SAMD8: variants seen among roughly 807,000 people sequenced by gnomAD.
SAMD8 encodes sphingomyelin synthase-related protein 1.
Under a neutral mutation model 42.0 loss-of-function variants are expected in SAMD8, and 20 were observed. The observed-to-expected ratio is 0.48, with a 90% CI of 0.34 to 0.69. SAMD8 has a LOEUF of 0.69. Ranked by LOEUF, SAMD8 falls within the 30% of genes least tolerant of loss-of-function variation. The pLI, the probability that SAMD8 is intolerant of heterozygous loss-of-function variation, is 0.01. For synonymous variants in SAMD8, 162 were observed against 173.0 expected (o/e 0.94, Z 0.50); for missense variants, 328 against 511.6 (o/e 0.64, Z 3.46).
At chr10:75,158,335 T>C (rs1019510076) in intron 2 of SAMD8, among the ~76,000 whole-genome samples, 4 of 152,044 alleles carry the variant, frequency 2.6e-5, no homozygotes, top group African/African-American at 4.8e-5. Context: ...CTCATGCCCG[T>C]AATCCCAGCA....
At chr10:75,143,128 G>A (rs1346092119) in intron 1 of SAMD8, among the ~76,000 whole-genome samples, 1 of 152,194 alleles carries the variant, frequency 6.6e-6, no homozygotes, top group Non-Finnish European at 1.5e-5. Flanking sequence ...CCAACATGGT[G>A]AAATCTCGTC....
chr10:75,124,549 A>G (rs1251626408), intron 1 of SAMD8, among the ~76,000 whole-genome samples: 2 of 147,284 alleles, frequency 1.4e-5, no homozygotes, highest in Non-Finnish European at 3.0e-5. Context: ...GGAGGCGGAG[A>G]TTGCAGTGAG....
chr10:75,168,446 T>A (rs1840744939), intron 3 of SAMD8, 95 bp from the exon 4 acceptor site: 3 of 1,543,138 alleles, frequency 1.9e-6, no homozygotes. Context: ...TAGTGATTTT[T>A]CTGTTTGCTC....
Position 75,123,192 on chromosome 10 carries a change from C to T in SAMD8, c.-16+11470C>T, listed in dbSNP as rs1308370389. Among the ~76,000 whole-genome samples the T allele has an allele frequency of 3.2e-4, 48 of 148,258 alleles. 1 individual carries two copies. The highest frequency in any genetic ancestry group is 1.1e-3 in the African/African-American group (46 of 40,098). ...CCACCCCACCCCACCCCACCCCACC[C>T]CACCCCACCCCACCCCACCCTGTGC... On this transcript the variant is annotated intron_variant, in intron 1 of 5. Transcript: ENST00000542569.
At chr10:75,130,402 AG>A (rs1348144125) in intron 1 of SAMD8, among the ~76,000 whole-genome samples, 2 of 152,148 alleles carry the variant, frequency 1.3e-5, no homozygotes, top group Non-Finnish European at 2.9e-5. Context: ...GCTACTCGGG[AG>A]GCTGAGGCAG....
chr10:75,179,295 T>C lies in SAMD8; in HGVS notation c.*2603T>C, dbSNP rs972141851. ...CAAGGAGGTTGAGGCTACAGTGAGC[T>C]GTAATCATGCCACTGCACTCCAGCC... is the stretch of plus-strand genomic sequence containing the variant. On this transcript the variant is annotated 3_prime_UTR_variant, in exon 6 of 6. Transcript: ENST00000542569. 2.0e-5 allele frequency: 3 copies of C among 152,226 alleles called. No homozygotes were observed. Among genetic ancestry groups the C allele is most frequent in the African/African-American group, 7.2e-5 (3 of 41,424 alleles). 9.4% of individuals were successfully genotyped at this position (152,226 alleles called of 1,614,324 possible).
chr10:75,118,824 A>C (rs894496830), intron 1 of SAMD8, among the ~76,000 whole-genome samples: 1 of 152,210 alleles, frequency 6.6e-6, no homozygotes, highest in African/African-American at 2.4e-5. Flanking sequence ...ATATATGCCC[A>C]AATTAAACCT....
chr10:75,112,956 T>G (rs117586771), intron 1 of SAMD8, among the ~76,000 whole-genome samples: 2 of 152,224 alleles, frequency 1.3e-5, no homozygotes, highest in African/African-American at 2.4e-5. Context: ...CTCTCACTGA[T>G]AACCCCAGGA....
chr10:75,168,401 A>T (rs1840743795), intron 3 of SAMD8, 140 bp from the exon 4 acceptor site: 1 of 1,480,338 alleles, frequency 6.8e-7, no homozygotes, highest in African/African-American at 1.4e-5. Flanking sequence ...GATGCTTTTG[A>T]TGGTCTTTAA....
At chr10:75,162,417 A>G (rs1224589790) in intron 2 of SAMD8, among the ~76,000 whole-genome samples, 1 of 152,154 alleles carries the variant, frequency 6.6e-6, no homozygotes, top group Non-Finnish European at 1.5e-5. Context: ...TGGGAGGCTG[A>G]GGCAGGCGGA....
intron 1 of SAMD8, among the ~76,000 whole-genome samples, chr10:75,126,800 G>A (rs940312836): frequency 6.6e-5 from 10 of 151,714 alleles, no homozygotes; most frequent in East Asian, 1.9e-4. Context: ...CGGGTTGGCC[G>A]GATTGTATCC....
Position 75,133,589 on chromosome 10 carries a change from T to C in SAMD8, c.-15-16925T>C, listed in dbSNP as rs552962443. Among the ~76,000 whole-genome samples the C allele has an allele frequency of 2.5e-4, 38 of 152,250 alleles. No individual in the cohort carries two copies. The South Asian group carries it at 7.5e-3, about 30-fold the overall frequency. ...TCTACAGATAAATAGAGAAAATGTG[T>C]GTATGTCTGTGTGCATGCACCATAT... On this transcript the variant is annotated intron_variant, in intron 1 of 5. Coordinates refer to ENST00000542569, the MANE Select transcript of SAMD8 (RefSeq NM_001174156.2).
rs35025534 is a variant in SAMD8 at position 75,124,612 on chromosome 10, C to CAA, written c.-16+12906_-16+12907dup. On this transcript the variant is annotated intron_variant, in intron 1 of 5. Coordinates refer to ENST00000542569, the MANE Select transcript of SAMD8 (RefSeq NM_001174156.2). ...TGGGTGACAGAACGAGACTCCATCT[C>CAA]AAAAAAAAAAAAAAAAAGGTACCTG... Among the ~76,000 whole-genome samples the CAA allele has an allele frequency of 1.1e-3, 96 of 90,496 alleles. 1 individual carries two copies. Among genetic ancestry groups the CAA allele is most frequent in the Middle Eastern group, 6.4e-3 (1 of 156 alleles). The allele number at this position is 90,496 out of a possible 152,430, so 59.4% of individuals were successfully genotyped here. A position where few individuals can be genotyped will look rare whatever the true frequency, so the allele number is the denominator to read the frequency against.
At chr10:75,121,958 C>T (rs1361589739) in intron 1 of SAMD8, among the ~76,000 whole-genome samples, 1 of 152,236 alleles carries the variant, frequency 6.6e-6, no homozygotes, top group African/African-American at 2.4e-5. Context: ...TCCCAAAGTG[C>T]TGGGATTACA....
At chr10:75,117,010 T>C (rs1410924146) in intron 1 of SAMD8, among the ~76,000 whole-genome samples, 1 of 149,040 alleles carries the variant, frequency 6.7e-6, no homozygotes, top group Admixed American at 6.7e-5. Flanking sequence ...GAGGTCTCAC[T>C]ATGTTGCTCA....
At chr10:75,108,402 G>T, upstream of SAMD8, 2 of 1,025,610 alleles carry the variant, frequency 2.0e-6, no homozygotes, top group Non-Finnish European at 2.7e-6. Context: ...CTGAGCCGGC[G>T]GTGTGTGTGT....
intron 1 of SAMD8, chr10:75,101,858 C>T (rs1848181870): frequency 7.3e-7 from 1 of 1,365,708 alleles, no homozygotes; most frequent in African/African-American, 1.5e-5. Flanking sequence ...ATTAGGAGCA[C>T]TCACCCACCT....
intron 1 of SAMD8, among the ~76,000 whole-genome samples, chr10:75,114,373 C>T (rs1309322519): frequency 2.0e-5 from 3 of 151,564 alleles, no homozygotes; most frequent in Non-Finnish European, 2.9e-5. Flanking sequence ...GCAGAAGAAG[C>T]CATCATGACT....
chr10:75,128,449 C>T (rs1849197987), intron 1 of SAMD8, among the ~76,000 whole-genome samples: 1 of 152,116 alleles, frequency 6.6e-6, no homozygotes, highest in Non-Finnish European at 1.5e-5. Context: ...TTCGCTGAAG[C>T]AGTCCTCCTG....
Sources: gnomAD v4.1 joint callset for allele counts (sites outside exome capture counted in the v4.1 genomes callset) on GRCh38, gnomAD v4.1.1 for gene constraint, MANE v1.5 for transcripts, NCBI Gene and HGNC (gene_info 2026-07-23, HGNC 2026-07-21) for gene names.